The following IL18R1 variants were observed in gnomAD, a reference collection of about 807,000 sequenced individuals.
The protein encoded by IL18R1 is interleukin 18 receptor 1.
IL18R1 carries 40 observed loss-of-function variants against 48.5 expected under a neutral mutation model. The ratio of observed to expected loss-of-function variants is 0.82; its 90% CI spans 0.64 to 1.07. The LOEUF is 1.07. IL18R1 is among the 50% of genes least tolerant of loss of function. The pLI is 0.00. For missense variants in IL18R1, 596 were observed against 633.7 expected (o/e 0.94, Z 0.64); for synonymous variants, 232 against 225.9 (o/e 1.03, Z -0.24).
intron 9 of IL18R1, among the ~76,000 whole-genome samples, chr2:102,390,848 GC>G (rs1680522458): frequency 1.3e-5 from 2 of 151,404 alleles, no homozygotes; most frequent in Non-Finnish European, 2.9e-5. Context: ...CAGGAGAATG[GC>G]GTGTGAACTC....
chr2:102,369,815 C>T (rs1679146106), intron 3 of IL18R1, among the ~76,000 whole-genome samples: 1 of 152,118 alleles, frequency 6.6e-6, no homozygotes, highest in African/African-American at 2.4e-5. Context: ...AATCAAATGC[C>T]ACTGAGGACT....
intron 6 of IL18R1, among the ~76,000 whole-genome samples, chr2:102,383,592 A>G (rs1367128519): frequency 2.0e-5 from 3 of 152,224 alleles, no homozygotes; most frequent in East Asian, 1.9e-4. Context: ...TAATCACACA[A>G]GTTTTCTTTT....
intron 6 of IL18R1, among the ~76,000 whole-genome samples, chr2:102,384,559 GT>G (rs1680114005): frequency 6.6e-6 from 1 of 151,988 alleles, no homozygotes; most frequent in Admixed American, 6.6e-5. Context: ...TATCCATTTG[GT>G]TTATCTAGAA....
chr2:102,379,444 CAAAAAAAAAAAA>C (rs112656218), intron 5 of IL18R1, among the ~76,000 whole-genome samples: 41,736 of 103,382 alleles, frequency 0.4, 6,411 homozygotes, highest in Middle Eastern at 0.47. Context: ...GACTCGGTCT[CAAAAAAAAAAAA>C]AAAAAAAAAA....
Position 102,375,859 on chromosome 2 carries a change from C to A in IL18R1, c.469-48C>A, listed in dbSNP as rs760882559. The stretch of plus-strand genomic sequence containing the variant: ...TCAAAAATTTGGATCACTGTAATAT[C>A]AATTTGGCTTTTACTTAAAGTATTT... On this transcript the variant is annotated intron_variant, in intron 4 of 10. Transcript: ENST00000233957. 3.0e-5 allele frequency: 40 copies of A among 1,338,856 alleles called. No homozygotes were observed. In the Admixed American group the frequency reaches 1.1e-3, roughly 35 times the overall value. The allele number at this position is 1,338,856 out of a possible 1,614,324, so 82.9% of individuals were successfully genotyped here.
At chr2:102,380,766 G>A (rs923151581) in intron 5 of IL18R1, among the ~76,000 whole-genome samples, 1 of 152,150 alleles carries the variant, frequency 6.6e-6, no homozygotes, top group African/African-American at 2.4e-5. Flanking sequence ...TGCTTGCTGA[G>A]CACCTGCAAG....
At position 102,391,416 on chromosome 2, in the gene IL18R1, A is replaced by G. The variant is rs566488452; in HGVS notation, c.1111+1199A>G. 5.9e-5 allele frequency among the ~76,000 whole-genome samples: 9 copies of G among 152,328 alleles called. No homozygotes were observed. In the East Asian group the frequency reaches 1.5e-3, roughly 26 times the overall value. On this transcript the variant is annotated intron_variant, in intron 9 of 10. Transcript: ENST00000233957. ...TAGACACACTTGCATGTTACTTTAT[A>G]AAGCAGTCCATCATTTTTTAGGGCC...
intron 10 of IL18R1, among the ~76,000 whole-genome samples, chr2:102,396,220 C>A (rs1680816488): frequency 6.6e-6 from 1 of 151,970 alleles, no homozygotes; most frequent in African/African-American, 2.4e-5. Context: ...GCTCCGGCTT[C>A]CTTGTTTGTT....
rs371968504 is a variant in IL18R1 at position 102,359,523 on chromosome 2, A to G, written c.-28-3110A>G. The stretch of plus-strand genomic sequence containing the variant: ...CAAAAGACATAAAGAGATGGTTCAT[A>G]AACATGAAAATAAAATGGCTGATAA... On this transcript the variant is annotated intron_variant, in intron 1 of 10. Coordinates refer to ENST00000233957, the MANE Select transcript of IL18R1 (RefSeq NM_003855.5). 1.2e-4 allele frequency among the ~76,000 whole-genome samples: 18 copies of G among 152,374 alleles called. 1 individual carries two copies. Among genetic ancestry groups the G allele is most frequent in the African/African-American group, 4.1e-4 (17 of 41,592 alleles).
intron 2 of IL18R1, 74 bp from the exon 3 acceptor site, chr2:102,367,751 T>G (rs1328371937): frequency 9.4e-6 from 13 of 1,375,926 alleles, no homozygotes; most frequent in Non-Finnish European, 1.3e-5. Flanking sequence ...CCTAATGCAT[T>G]AGGAGACCAA....
intron 2 of IL18R1, among the ~76,000 whole-genome samples, chr2:102,364,216 C>T (rs941131661): frequency 1.1e-4 from 16 of 152,206 alleles, no homozygotes; most frequent in African/African-American, 3.1e-4. Flanking sequence ...TTAAGACAAG[C>T]GAAAACCTGA....
intron 3 of IL18R1, among the ~76,000 whole-genome samples, chr2:102,370,094 G>A (rs1481623953): frequency 1.3e-5 from 2 of 152,164 alleles, no homozygotes; most frequent in Non-Finnish European, 2.9e-5. Context: ...TAACCAGGAT[G>A]GGCTGGGCCT....
chr2:102,386,695 G>A (rs1680249008), intron 7 of IL18R1, among the ~76,000 whole-genome samples, 166 bp from the exon 8 acceptor site: 3 of 152,206 alleles, frequency 2.0e-5, no homozygotes, highest in South Asian at 2.1e-4. Context: ...GATGCTCCAC[G>A]GAGGAGGGGA....
At chr2:102,370,658 G>C (rs1052561095) in intron 3 of IL18R1, among the ~76,000 whole-genome samples, 1 of 152,262 alleles carries the variant, frequency 6.6e-6, no homozygotes, top group Non-Finnish European at 1.5e-5. Flanking sequence ...GGGCCAAATA[G>C]ATGTGCATTT....
chr2:102,366,063 C>T (rs970325686), intron 2 of IL18R1, among the ~76,000 whole-genome samples: 2 of 152,184 alleles, frequency 1.3e-5, no homozygotes, highest in African/African-American at 2.4e-5. Flanking sequence ...TGGCAATTAA[C>T]ATTTGAGTCC....
Position 102,387,018 on chromosome 2 carries a change from T to G in IL18R1, c.949+18T>G, listed in dbSNP as rs373266089. The G allele has an allele frequency of 6.2e-7, 1 of 1,607,394 alleles. No individual in the cohort carries two copies. The highest frequency in any genetic ancestry group is 1.3e-5 in the African/African-American group (1 of 74,350). On this transcript the variant is annotated intron_variant, in intron 8 of 10. Transcript: ENST00000233957. ...GAGAAAAGGTGAGAAAGATTTATTT[T>G]TGGAAGTTTTGAAACTTAGCTCATT...
At position 102,384,792 on chromosome 2, in the gene IL18R1, G is replaced by A. The variant is rs997892018; in HGVS notation, c.689-86G>A. 1.8e-5 allele frequency: 27 copies of A among 1,506,782 alleles called. No individual in the cohort carries two copies. In the African/African-American group the frequency reaches 3.5e-4, roughly 20 times the overall value. 93.3% of individuals were successfully genotyped at this position (1,506,782 alleles called of 1,614,324 possible). ...GATGGAGCACCACGTTTTGCTTTAG[G>A]TTAACATACATTGATTATATTGTTT... On this transcript the variant is annotated intron_variant, in intron 6 of 10. Coordinates refer to ENST00000233957, the MANE Select transcript of IL18R1 (RefSeq NM_003855.5).
At chr2:102,386,813 A>G (rs1383362396) in intron 7 of IL18R1, 48 bp from the exon 8 acceptor site, 1 of 1,591,920 alleles carries the variant, frequency 6.3e-7, no homozygotes, top group South Asian at 1.1e-5. Context: ...TTCCCCTCTC[A>G]AGGGTAACGA....
intron 1 of IL18R1, among the ~76,000 whole-genome samples, chr2:102,359,302 GC>G (rs1339897477): frequency 6.6e-6 from 1 of 152,100 alleles, no homozygotes; most frequent in Non-Finnish European, 1.5e-5. Context: ...ACAATACTGA[GC>G]CATAAAAATG....
Sources: gnomAD v4.1 joint callset for allele counts (sites outside exome capture counted in the v4.1 genomes callset) on GRCh38, gnomAD v4.1.1 for gene constraint, MANE v1.5 for transcripts, NCBI Gene and HGNC (gene_info 2026-07-23, HGNC 2026-07-21) for gene names.